The following ZNF829 variants were observed in gnomAD, a reference collection of about 807,000 sequenced individuals.
ZNF829 encodes the protein zinc finger protein 829.
ZNF829 carries 25 observed loss-of-function variants against 35.2 expected under a neutral mutation model. The observed-to-expected ratio is 0.71, with a 90% CI of 0.52 to 0.99. The LOEUF (loss-of-function observed/expected upper bound fraction) is 0.99, where lower values mean the gene tolerates loss of function less well. Among genes scored for constraint, ZNF829 ranks in the 50% least tolerant of loss-of-function variants. The pLI is 0.00. For missense variants in ZNF829, 417 were observed against 515.3 expected, an observed-to-expected ratio of 0.81 and a Z score of 1.85; for synonymous variants, 136 against 163.2, an observed-to-expected ratio of 0.83 and a Z score of 1.27.
In ZNF829 at chr19:36,914,946, AGAG is replaced by A; in HGVS notation, c.96+16_96+18del. 1.2e-6 allele frequency: 2 copies of A among 1,613,688 alleles called. No individual in the cohort carries two copies. The highest frequency in any genetic ancestry group is 1.7e-6 in the Non-Finnish European group (2 of 1,179,638). On this transcript the variant is annotated intron_variant, in intron 3 of 5. Coordinates refer to ENST00000391711, the MANE Select transcript of ZNF829 (RefSeq NM_001037232.4). ...TTAAGCAAGAATTTTCAGAAGAAAAAGAGGAAACCCCAACACACCTTGGATACT... is the reference window on the plus strand; with the variant it reads ...TTAAGCAAGAATTTTCAGAAGAAAAAGAAACCCCAACACACCTTGGATACT...
At chr19:36,914,784 A>T (rs1208896916) in intron 3 of ZNF829, among the ~76,000 whole-genome samples, 181 bp downstream of exon 3, 4 of 152,172 alleles carry the variant, frequency 2.6e-5, no homozygotes, top group African/African-American at 9.7e-5. Flanking sequence ...TGTGTTTTTG[A>T]GATCTCTAAA....
intron 5 of ZNF829, chr19:36,893,105 TA>T: frequency 2.5e-6 from 1 of 397,762 alleles, no homozygotes; most frequent in East Asian, 3.6e-5. Context: ...CTGTTAAGAA[TA>T]ACAAATGTGT....
Position 36,908,321 on chromosome 19 carries a change from A to G in ZNF829, c.223+12T>C. 6.2e-7 allele frequency: 1 copy of G among 1,607,458 alleles called. No homozygotes were observed. On this transcript the variant is annotated intron_variant, in intron 4 of 5. Transcript: ENST00000391711. ...GGGCACACTCTGAATTTTGGGGAAT[A>G]GTTATCCTTACCCACTGAAACCAGG...
chr19:36,909,680 G>A (rs943803916), intron 3 of ZNF829, among the ~76,000 whole-genome samples: 2 of 151,892 alleles, frequency 1.3e-5, no homozygotes, highest in Non-Finnish European at 2.9e-5. Flanking sequence ...GGTGGTGCAC[G>A]CCTGTAATCC....
intron 5 of ZNF829, among the ~76,000 whole-genome samples, chr19:36,897,515 A>G (rs1053409419): frequency 6.6e-6 from 1 of 152,204 alleles, no homozygotes; most frequent in African/African-American, 2.4e-5. Context: ...TCTTCATTAT[A>G]AAAACCTCTC....
chr19:36,902,303 C>T (rs1188431353), intron 5 of ZNF829, among the ~76,000 whole-genome samples: 2 of 152,150 alleles, frequency 1.3e-5, no homozygotes, highest in Non-Finnish European at 2.9e-5. Context: ...TATACATCTT[C>T]CTCCTGATTT....
chr19:36,914,502 T>TG lies in ZNF829; in HGVS notation c.96+462dup, dbSNP rs1464942958. 8.5e-5 allele frequency among the ~76,000 whole-genome samples: 13 copies of TG among 152,056 alleles called. No individual in the cohort carries two copies. The East Asian group carries it at 2.5e-3, about 29-fold the overall frequency. Reference sequence around the variant, plus strand: ...AAACCCAAATTCAAACCTGTGGGGGTGGGCGGGTATAAGTACAGATATATA... The same window carrying TG: ...AAACCCAAATTCAAACCTGTGGGGGTGGGGCGGGTATAAGTACAGATATATA... On this transcript the variant is annotated intron_variant, in intron 3 of 5. Coordinates refer to ENST00000391711, the MANE Select transcript of ZNF829 (RefSeq NM_001037232.4).
At chr19:36,905,999 C>G (rs780661521) in intron 5 of ZNF829, 12 of 152,014 alleles carry the variant, frequency 7.9e-5, no homozygotes, top group Non-Finnish European at 1.8e-4. Flanking sequence ...GGACAGTCAT[C>G]TCAATAAACA....
intron 3 of ZNF829, among the ~76,000 whole-genome samples, chr19:36,911,867 A>G (rs1192058280): frequency 1.3e-5 from 2 of 152,228 alleles, no homozygotes. Context: ...TGTATGACAG[A>G]TGTCATAAGT....
rs1338922371 is a variant in ZNF829 at position 36,890,108 on chromosome 19, C to G, written c.*1384G>C. 3 of 152,062 alleles carry G rather than the reference C, an allele frequency of 2.0e-5. No homozygotes were observed. Among genetic ancestry groups the G allele is most frequent in the Non-Finnish European group, 4.4e-5 (3 of 68,014 alleles). 9.4% of individuals were successfully genotyped at this position (152,062 alleles called of 1,614,324 possible). A position where few individuals can be genotyped will look rare whatever the true frequency, so the allele number is the denominator to read the frequency against. On this transcript the variant is annotated 3_prime_UTR_variant, in exon 6 of 6. Coordinates refer to ENST00000391711, the MANE Select transcript of ZNF829 (RefSeq NM_001037232.4). ...CTTGGTATTGATATCTAGTTTTATT[C>G]CACTATGGTCAGAGAAGATGTTAGA...
chr19:36,908,410 C>T lies in ZNF829; in HGVS notation c.146G>A (p.Trp49Ter), dbSNP rs2073236592. The T allele has an allele frequency of 6.2e-7, 1 of 1,612,956 alleles. No homozygotes were observed. The highest frequency in any genetic ancestry group is 1.3e-5 in the African/African-American group (1 of 74,890). The change falls in exon 4 of 6, where the codon TGG becomes TAG. Residue 49 changes from tryptophan to a stop codon, truncating the protein, a stop_gained. Transcript: ENST00000391711. LOFTEE classifies it high-confidence loss of function. ...DVSIDFSQEE[W>*]ECLDADQMNL... Reference sequence around the variant, plus strand: ...CATCTGATCAGCGTCCAGGCATTCCCATTCCTCTTGAGAGAAGTCTATGGA... The same window carrying T: ...CATCTGATCAGCGTCCAGGCATTCCTATTCCTCTTGAGAGAAGTCTATGGA...
Position 36,889,552 on chromosome 19 carries a change from T to G in ZNF829, c.*1940A>C. 1 of 152,212 alleles carries G rather than the reference T, an allele frequency of 6.6e-6. No homozygotes were observed. The highest frequency in any genetic ancestry group is 2.4e-5 in the African/African-American group (1 of 41,464). The allele number at this position is 152,212 out of a possible 1,614,324, so 9.4% of individuals were successfully genotyped here. On this transcript the variant is annotated 3_prime_UTR_variant, in exon 6 of 6. Transcript: ENST00000391711. ...ATGTGTTTCTAGGAATTTATCCACT[T>G]CCTCTAGGTTTTCTAATATGTGCAT...
intron 1 of ZNF829, 49 bp downstream of exon 1, chr19:36,915,962 G>A (rs1430372693): frequency 6.5e-6 from 10 of 1,532,136 alleles, no homozygotes; most frequent in Middle Eastern, 1.7e-4. Context: ...CATCCCGGAT[G>A]GGAACTTGCA....
chr19:36,902,062 C>T (rs1273740682), intron 5 of ZNF829: 2 of 509,346 alleles, frequency 3.9e-6, no homozygotes, highest in Admixed American at 2.7e-5. Flanking sequence ...CTTTGGTTAT[C>T]TATGTATCTG....
In ZNF829 at chr19:36,889,395, G is replaced by A. The variant is rs946137957; in HGVS notation, c.*2097C>T. The A allele has an allele frequency of 2.0e-5, 3 of 152,090 alleles. No homozygotes were observed. Among genetic ancestry groups the A allele is most frequent in the Admixed American group, 6.6e-5 (1 of 15,264 alleles). The allele number at this position is 152,090 out of a possible 1,614,324, so 9.4% of individuals were successfully genotyped here. ...CTAGTTCTTCCTTGCATGTCTAGTA[G>A]AATTCAGCTGTGAATCTGTCTGGTC... On this transcript the variant is annotated 3_prime_UTR_variant, in exon 6 of 6. Coordinates refer to ENST00000391711, the MANE Select transcript of ZNF829 (RefSeq NM_001037232.4).
chr19:36,908,444 T>C lies in ZNF829; in HGVS notation c.112A>G (p.Arg38Gly). 6.2e-7 allele frequency: 1 copy of C among 1,606,182 alleles called. No individual in the cohort carries two copies. The highest frequency in any genetic ancestry group is 8.5e-7 in the Non-Finnish European group (1 of 1,176,714). Reference protein sequence around the residue: ...QAVSKGPVMFRDVSIDFSQEE... With the variant: ...QAVSKGPVMFGDVSIDFSQEE... ...TGAGAGAAGTCTATGGAAACATCCCTGAACATCACCGGCCCCTGAAACAAC... is the reference window on the plus strand; with the variant it reads ...TGAGAGAAGTCTATGGAAACATCCCCGAACATCACCGGCCCCTGAAACAAC... The change falls in exon 4 of 6, where the codon AGG becomes GGG. Residue 38 changes from arginine to glycine, a missense_variant. By Grantham distance (125) the Arg-to-Gly change is moderately radical. Transcript: ENST00000391711.
chr19:36,904,651 C>G (rs1163587852), intron 5 of ZNF829, among the ~76,000 whole-genome samples: 1 of 152,136 alleles, frequency 6.6e-6, no homozygotes, highest in East Asian at 1.9e-4. Flanking sequence ...CTGCCCGCCT[C>G]GGCCTCCCAG....
chr19:36,892,344 A>C lies in ZNF829; in HGVS notation c.447T>G (p.Thr149=), dbSNP rs769641700. 5.0e-6 allele frequency: 8 copies of C among 1,613,770 alleles called. No individual in the cohort carries two copies. In the East Asian group the frequency reaches 1.3e-4, roughly 27 times the overall value. ...QPTFLIPPQK[T]MSEEKPWECK... is the part of the protein sequence containing the mutation. ...ATTCCCATGGTTTCTCTTCACTCAT[A>C]GTTTTTTGAGGTGGAATAAGAAATG... Residue 149 remains threonine (T), a synonymous_variant, in exon 6 of 6, where the codon ACT becomes ACG. Transcript: ENST00000391711.
intron 5 of ZNF829, chr19:36,902,069 T>C: frequency 1.9e-6 from 1 of 528,072 alleles, no homozygotes; most frequent in South Asian, 2.2e-5. Flanking sequence ...TATCTATGTA[T>C]CTGTTACCAC....
Sources: gnomAD v4.1 joint callset for allele counts (sites outside exome capture counted in the v4.1 genomes callset) on GRCh38, gnomAD v4.1.1 for gene constraint, MANE v1.5 for transcripts, NCBI Gene and HGNC (gene_info 2026-07-23, HGNC 2026-07-21) for gene names.